TENM3: variants seen among roughly 807,000 people sequenced by gnomAD.
TENM3 encodes the protein teneurin transmembrane protein 3, also known as teneurin-3.
In TENM3, 63 loss-of-function variants were observed where a neutral mutation model predicts 255.1. The observed-to-expected ratio is 0.25, with a 90% CI of 0.20 to 0.30. The LOEUF (loss-of-function observed/expected upper bound fraction) is 0.30, where lower values mean the gene tolerates loss of function less well. TENM3 is among the 10% of genes least tolerant of loss of function. TENM3 has a pLI of 1.00. For synonymous variants in TENM3, 1,306 were observed against 1,322.3 expected (o/e 0.99, Z 0.27); for missense variants, 2,929 against 3,461.1 (o/e 0.85, Z 3.86).
intron 1 of TENM3, among the ~76,000 whole-genome samples, chr4:182,292,599 G>A (rs376342032): frequency 6.6e-5 from 10 of 152,270 alleles, no homozygotes; most frequent in African/African-American, 2.2e-4. Context: ...TCACAGATCC[G>A]CATGGTCGCG....
At chr4:181,510,383 G>A in the TENM3 span, among the ~76,000 whole-genome samples, 200 of 152,212 alleles carry the variant, frequency 1.3e-3, no homozygotes, top group Non-Finnish European at 2.3e-3. Context: ...CAAAGCCTCT[G>A]AGAGATTTCC....
chr4:182,656,119 C>T (rs1476798057), intron 6 of TENM3, among the ~76,000 whole-genome samples: 1 of 152,128 alleles, frequency 6.6e-6, no homozygotes, highest in East Asian at 1.9e-4. Flanking sequence ...CCTGTATATA[C>T]ATATAAGCGA....
the TENM3 span, among the ~76,000 whole-genome samples, chr4:181,920,700 G>GT: frequency 6.6e-6 from 1 of 151,368 alleles, no homozygotes. Flanking sequence ...TCACTCTGAT[G>GT]GTAGTTTCTT....
intron 23 of TENM3, 129 bp downstream of exon 23, chr4:182,773,776 A>C: frequency 4.0e-6 from 3 of 751,804 alleles, no homozygotes; most frequent in Middle Eastern, 5.1e-4. Flanking sequence ...TTGGTGACAT[A>C]ATCTACAGTG....
the TENM3 span, among the ~76,000 whole-genome samples, chr4:181,765,854 A>T: frequency 6.6e-6 from 1 of 152,228 alleles, no homozygotes; most frequent in Non-Finnish European, 1.5e-5. Context: ...TAATTTAAAG[A>T]TATAATACAG....
chr4:181,767,389 A>G, the TENM3 span, among the ~76,000 whole-genome samples: 1 of 152,216 alleles, frequency 6.6e-6, no homozygotes, highest in African/African-American at 2.4e-5. Flanking sequence ...GGGAGAATAT[A>G]TTCAAGTGAA....
At chr4:181,494,316 C>A in the TENM3 span, among the ~76,000 whole-genome samples, 1 of 152,116 alleles carries the variant, frequency 6.6e-6, no homozygotes, top group Admixed American at 6.5e-5. Context: ...CAGAGTTTTG[C>A]TCTTGTTGCC....
chr4:182,033,604 C>T, the TENM3 span, among the ~76,000 whole-genome samples: 1 of 152,106 alleles, frequency 6.6e-6, no homozygotes, highest in African/African-American at 2.4e-5. Flanking sequence ...ACTTTTCTGT[C>T]TCAATGATCT....
At chr4:182,315,671 A>C (rs1349422380) in intron 1 of TENM3, among the ~76,000 whole-genome samples, 4 of 152,080 alleles carry the variant, frequency 2.6e-5, no homozygotes, top group African/African-American at 7.2e-5. Context: ...TTATTTCTTC[A>C]CATTTTTTTC....
chr4:181,603,772 G>A, the TENM3 span, among the ~76,000 whole-genome samples: 1 of 152,172 alleles, frequency 6.6e-6, no homozygotes. Context: ...AAATCATAGA[G>A]AAAATAGAAC....
chr4:181,949,984 A>G, the TENM3 span, among the ~76,000 whole-genome samples: 1 of 152,242 alleles, frequency 6.6e-6, no homozygotes, highest in Admixed American at 6.5e-5. Flanking sequence ...ACTTTTTCTC[A>G]GGTCTCTGAG....
chr4:182,793,513 C>CT lies in TENM3; in HGVS notation c.6846dup (p.Ala2283CysfsTer9). ...CCTGTATTATGATCTCCAAGGACAT[C>CT]TTTTTGCCATGGAAATCAGCAGTGG... On this transcript the variant is annotated frameshift_variant, in exon 26 of 28. Transcript: ENST00000511685. LOFTEE classifies it high-confidence loss of function. The surrounding 1 kb of genome is among the most constrained non-coding windows in gnomAD (Gnocchi z 5.7). 1 of 1,613,988 alleles carries CT rather than the reference C, an allele frequency of 6.2e-7. No individual in the cohort carries two copies. The highest frequency in any genetic ancestry group is 1.6e-4 in the Middle Eastern group (1 of 6,062).
chr4:181,723,821 T>C, the TENM3 span, among the ~76,000 whole-genome samples: 4 of 152,194 alleles, frequency 2.6e-5, no homozygotes, highest in Non-Finnish European at 4.4e-5. Context: ...AATGGATTTT[T>C]GATACTTCAG....
the TENM3 span, chr4:181,906,031 A>C: frequency 2.2e-6 from 1 of 447,712 alleles, no homozygotes. Context: ...AGTGACAAGC[A>C]AGTTCTGTTC....
intron 3 of TENM3, among the ~76,000 whole-genome samples, chr4:182,569,446 C>T (rs759084505): frequency 4.6e-5 from 7 of 151,572 alleles, no homozygotes; most frequent in Non-Finnish European, 1.0e-4. Flanking sequence ...CCCAGCTACT[C>T]GGGAGGCTGA....
At chr4:182,546,030 C>G (rs542884381) in intron 3 of TENM3, among the ~76,000 whole-genome samples, 123 of 152,242 alleles carry the variant, frequency 8.1e-4, no homozygotes, top group African/African-American at 2.8e-3. Flanking sequence ...ATAAAGGAAA[C>G]TAGAGAAGGG....
intron 6 of TENM3, among the ~76,000 whole-genome samples, chr4:182,665,146 G>A (rs1292186936): frequency 1.3e-5 from 2 of 152,184 alleles, no homozygotes; most frequent in African/African-American, 4.8e-5. Context: ...GACTCTGTTA[G>A]TGATGCAGCT....
chr4:182,199,171 T>C (rs1248740043), intron 1 of TENM3, among the ~76,000 whole-genome samples: 1 of 152,062 alleles, frequency 6.6e-6, no homozygotes, highest in Non-Finnish European at 1.5e-5. Context: ...GAAGAATCAT[T>C]GCACATTTCA....
At chr4:182,476,047 A>T (rs1733658826) in intron 3 of TENM3, among the ~76,000 whole-genome samples, 1 of 152,324 alleles carries the variant, frequency 6.6e-6, no homozygotes, top group South Asian at 2.1e-4. Context: ...CCCTAAGTGT[A>T]ACCTCTTTGC....
Sources: gnomAD v4.1 joint callset for allele counts (sites outside exome capture counted in the v4.1 genomes callset) on GRCh38, gnomAD v4.1.1 for gene constraint, Gnocchi (gnomAD v3.1) non-coding constraint, MANE v1.5 for transcripts, NCBI Gene and HGNC (gene_info 2026-07-23, HGNC 2026-07-21) for gene names.